Variants in ATP9B observed in about 807,000 individuals in gnomAD.
ATP9B encodes ATPase phospholipid transporting 9B.
ATP9B carries 110 observed loss-of-function variants against 146.1 expected under a neutral mutation model. The ratio of observed to expected loss-of-function variants is 0.75; its 90% CI spans 0.65 to 0.88. ATP9B has a LOEUF of 0.88. Ranked by LOEUF, ATP9B falls within the 40% of genes least tolerant of loss-of-function variation. The probability of loss-of-function intolerance (pLI) is 0.00; values close to 1 mark genes in which losing one functional copy is unlikely to be tolerated. For missense variants in ATP9B, 1,499 were observed against 1,496.4 expected, an observed-to-expected ratio of 1.00 and a Z score of -0.03; for synonymous variants, 604 against 569.7, an observed-to-expected ratio of 1.06 and a Z score of -0.86.
At chr18:79,292,432 A>C (rs1443693499) in intron 13 of ATP9B, among the ~76,000 whole-genome samples, 1 of 152,246 alleles carries the variant, frequency 6.6e-6, no homozygotes, top group Non-Finnish European at 1.5e-5. Flanking sequence ...AGATAGAATT[A>C]AGAAAACAAT....
intron 7 of ATP9B, among the ~76,000 whole-genome samples, chr18:79,164,189 A>T (rs72994260): frequency 0.067 from 10,260 of 152,206 alleles, 415 homozygotes; most frequent in Non-Finnish European, 0.095. Context: ...TCTCCTAAAG[A>T]GTTGAGGTTA....
At chr18:79,261,038 A>T (rs541441717) in intron 12 of ATP9B, among the ~76,000 whole-genome samples, 1 of 152,308 alleles carries the variant, frequency 6.6e-6, no homozygotes, top group South Asian at 2.1e-4. Context: ...CCCAGCATGG[A>T]CCATGGCCAG....
intron 1 of ATP9B, chr18:79,095,890 T>G (rs2074737619): frequency 1.3e-5 from 2 of 152,236 alleles, no homozygotes; most frequent in African/African-American, 4.8e-5. Flanking sequence ...GTCTGCTGGT[T>G]GTTGAGATTT....
intron 6 of ATP9B, chr18:79,144,710 T>C (rs2094556041): frequency 1.3e-5 from 2 of 150,394 alleles, no homozygotes; most frequent in African/African-American, 2.5e-5. Context: ...TAAATAGTTA[T>C]ACTGTCTTTT....
intron 1 of ATP9B, among the ~76,000 whole-genome samples, chr18:79,089,337 C>T (rs149205298): frequency 1.8e-3 from 275 of 152,324 alleles, no homozygotes; most frequent in African/African-American, 6.4e-3. Context: ...TTCCATTACA[C>T]TTAAAATTAA....
chr18:79,297,460 G>C (rs1179512620), intron 13 of ATP9B, among the ~76,000 whole-genome samples: 1 of 152,166 alleles, frequency 6.6e-6, no homozygotes, highest in Non-Finnish European at 1.5e-5. Flanking sequence ...CGTTCTCATC[G>C]CGTTATGAGG....
At chr18:79,320,699 A>AC in intron 15 of ATP9B, among the ~76,000 whole-genome samples, 1 of 151,226 alleles carries the variant, frequency 6.6e-6, no homozygotes, top group Non-Finnish European at 1.5e-5. Context: ...CAGAACTCCC[A>AC]CCCCCCTCCA....
intron 2 of ATP9B, among the ~76,000 whole-genome samples, chr18:79,099,836 T>A (rs2075123556): frequency 6.6e-6 from 1 of 151,938 alleles, no homozygotes; most frequent in South Asian, 2.1e-4. Context: ...CTTATAATTT[T>A]AAAAAATGGG....
intron 11 of ATP9B, among the ~76,000 whole-genome samples, chr18:79,223,983 T>C (rs1176984872): frequency 1.3e-5 from 2 of 152,200 alleles, no homozygotes; most frequent in Admixed American, 6.5e-5. Flanking sequence ...GCATTTTTAT[T>C]ATTGTAATTG....
rs75054928 is a variant in ATP9B at position 79,138,348 on chromosome 18, C to T, written c.668-5454C>T. Among the ~76,000 whole-genome samples the T allele has an allele frequency of 1.2e-4, 18 of 152,274 alleles. No individual in the cohort carries two copies. In the East Asian group the frequency reaches 3.5e-3, roughly 29 times the overall value. On this transcript the variant is annotated intron_variant, in intron 5 of 29. Transcript: ENST00000426216. Reference sequence around the variant, plus strand: ...CAGTTTTACATGAGAAAGCTCCAGCCTGGACCTCAGTGTTTTTGACTTACA... The same window carrying T: ...CAGTTTTACATGAGAAAGCTCCAGCTTGGACCTCAGTGTTTTTGACTTACA...
intron 12 of ATP9B, among the ~76,000 whole-genome samples, chr18:79,272,857 T>G (rs576936478): frequency 6.6e-6 from 1 of 152,312 alleles, no homozygotes; most frequent in African/African-American, 2.4e-5. Context: ...AAAAATCAAG[T>G]CTGTCATTGG....
chr18:79,157,415 A>AC lies in ATP9B; in HGVS notation c.778+2860_778+2861insC, dbSNP rs1245111686. 1.5e-4 allele frequency among the ~76,000 whole-genome samples: 22 copies of AC among 149,824 alleles called. No homozygotes were observed. The East Asian group carries it at 1.6e-3, about 11-fold the overall frequency. On this transcript the variant is annotated intron_variant, in intron 7 of 29. Coordinates refer to ENST00000426216, the MANE Select transcript of ATP9B (RefSeq NM_198531.5). Reference sequence around the variant, plus strand: ...CCATCTCAAAAAAAAAAAAAAAAAAAAAAAAAAAACATGTATTGACTTATA... The same window carrying AC: ...CCATCTCAAAAAAAAAAAAAAAAAAACAAAAAAAAACATGTATTGACTTATA...
chr18:79,374,895 C>G (rs1342067703), intron 28 of ATP9B, among the ~76,000 whole-genome samples: 1 of 152,214 alleles, frequency 6.6e-6, no homozygotes, highest in Non-Finnish European at 1.5e-5. Flanking sequence ...ACAGTGAGCT[C>G]ACAAAACGAC....
intron 11 of ATP9B, among the ~76,000 whole-genome samples, chr18:79,235,889 G>A (rs1035386387): frequency 6.6e-6 from 1 of 151,984 alleles, no homozygotes; most frequent in African/African-American, 2.4e-5. Flanking sequence ...ATGCAGCCAC[G>A]GATTTCTACA....
At position 79,361,742 on chromosome 18, in the gene ATP9B, G is replaced by A. The variant is rs559758966; in HGVS notation, c.3012+2280G>A. 48 of 985,070 alleles carry A rather than the reference G, an allele frequency of 4.9e-5. 1 individual carries two copies. In the East Asian group the frequency reaches 4.1e-3, roughly 84 times the overall value. The allele number at this position is 985,070 out of a possible 1,614,324, so 61.0% of individuals were successfully genotyped here. A position where few individuals can be genotyped will look rare whatever the true frequency, so the allele number is the denominator to read the frequency against. On this transcript the variant is annotated intron_variant, in intron 26 of 29. Coordinates refer to ENST00000426216, the MANE Select transcript of ATP9B (RefSeq NM_198531.5). ...GCTTTCTGTTCCTTCTGAACAGTTC[G>A]CCAAGGTAGCACAGACTGCAGCACT...
At chr18:79,277,358 CTG>C in intron 13 of ATP9B, 162 bp downstream of exon 13, 1 of 770,422 alleles carries the variant, frequency 1.3e-6, no homozygotes, top group Non-Finnish European at 2.0e-6. Context: ...ACTCTTGAAA[CTG>C]TCACACAGCT....
rs193151072 is a variant in ATP9B, at chr18:79,256,280, T to C, written c.1268+2739T>C. On this transcript the variant is annotated intron_variant, in intron 12 of 29. Coordinates refer to ENST00000426216, the MANE Select transcript of ATP9B (RefSeq NM_198531.5). The stretch of plus-strand genomic sequence containing the variant: ...AGCTATATATATATATATATATATA[T>C]ATATATACATACATAGTGAGGCTAT... 5.2e-3 allele frequency among the ~76,000 whole-genome samples: 676 copies of C among 129,164 alleles called. 28 individuals are homozygous for C. Among genetic ancestry groups the C allele is most frequent in the African/African-American group, 0.017 (591 of 35,250 alleles). The allele number at this position is 129,164 out of a possible 152,430, so 84.7% of individuals were successfully genotyped here.
At chr18:79,361,789 G>A (rs912518421) in intron 26 of ATP9B, 11 of 985,262 alleles carry the variant, frequency 1.1e-5, no homozygotes, top group African/African-American at 5.2e-5. Flanking sequence ...TCTGATGATC[G>A]GGGCAGCTGG....
intron 13 of ATP9B, among the ~76,000 whole-genome samples, chr18:79,299,636 T>G (rs1232773579): frequency 6.6e-6 from 1 of 152,250 alleles, no homozygotes; most frequent in Non-Finnish European, 1.5e-5. Context: ...TGGGGCACTT[T>G]GTGCATTGTC....
Sources: gnomAD v4.1 joint callset for allele counts (sites outside exome capture counted in the v4.1 genomes callset) on GRCh38, gnomAD v4.1.1 for gene constraint, MANE v1.5 for transcripts, NCBI Gene and HGNC (gene_info 2026-07-23, HGNC 2026-07-21) for gene names.